Variants in DLC1 observed in about 807,000 individuals in gnomAD.
DLC1 encodes DLC1 Rho GTPase activating protein.
A neutral mutation model predicts 140.3 loss-of-function variants in DLC1; 54 were observed. The ratio of observed to expected loss-of-function variants is 0.38; its 90% CI spans 0.31 to 0.48. DLC1 has a LOEUF of 0.48. Ranked by LOEUF, DLC1 falls within the 20% of genes least tolerant of loss-of-function variation. DLC1 has a pLI of 0.96. For missense variants in DLC1, 2,536 were observed against 1,907.0 expected (o/e 1.33, Z -6.14); for synonymous variants, 986 against 728.1 (o/e 1.35, Z -5.70).
At chr8:13,160,149 C>A (rs1033895051) in intron 5 of DLC1, 10 of 152,332 alleles carry the variant, frequency 6.6e-5, no homozygotes, top group African/African-American at 2.4e-4. Context: ...CAGAGTGAGA[C>A]TCCGTCTTGG....
intron 7 of DLC1, among the ~76,000 whole-genome samples, chr8:13,104,259 G>A (rs1252714524): frequency 6.7e-5 from 10 of 149,838 alleles, no homozygotes; most frequent in Non-Finnish European, 4.4e-5. Context: ...CCATCCTATT[G>A]TCATTTTGAT....
At chr8:13,236,091 C>T (rs1563187254) in intron 5 of DLC1, among the ~76,000 whole-genome samples, 1 of 151,792 alleles carries the variant, frequency 6.6e-6, no homozygotes, top group Admixed American at 6.6e-5. Context: ...GAATATAAAA[C>T]ATTTAAAACT....
intron 5 of DLC1, among the ~76,000 whole-genome samples, chr8:13,188,925 G>A (rs111694085): frequency 6.5e-5 from 9 of 139,090 alleles, no homozygotes; most frequent in South Asian, 4.6e-4. Flanking sequence ...TCCTGACCTC[G>A]TTATCCGCCC....
At chr8:13,382,571 T>C (rs1836324629) in intron 4 of DLC1, among the ~76,000 whole-genome samples, 2 of 131,906 alleles carry the variant, frequency 1.5e-5, no homozygotes, top group South Asian at 4.9e-4. Flanking sequence ...TATTAAAATA[T>C]AAAGGTGCCA....
chr8:13,368,324 C>T (rs1193170510), intron 4 of DLC1, among the ~76,000 whole-genome samples: 7 of 152,062 alleles, frequency 4.6e-5, no homozygotes, highest in Non-Finnish European at 1.0e-4. Flanking sequence ...TCCCTTCCCC[C>T]GCTTTCCATC....
At position 13,085,797 on chromosome 8, in the gene DLC1, C is replaced by T. The variant is rs758173130; in HGVS notation, c.*14G>A. 70 of 1,613,848 alleles carry T rather than the reference C, an allele frequency of 4.3e-5. No homozygotes were observed. Among genetic ancestry groups the T allele is most frequent in the South Asian group, 3.5e-4 (32 of 91,074 alleles). ...AACACCATGGTGGTGGAAGCGGTTG[C>T]GTTGCTTCAGTGATCACCTAGATTT... On this transcript the variant is annotated 3_prime_UTR_variant, in exon 18 of 18. Transcript: ENST00000276297.
chr8:13,595,887 T>C (rs1805665110), intron 1 of DLC1, among the ~76,000 whole-genome samples: 3 of 151,954 alleles, frequency 2.0e-5, no homozygotes, highest in South Asian at 4.2e-4. Flanking sequence ...CCTATGATAA[T>C]TGCACGTTAC....
chr8:13,523,660 T>C (rs913837433), intron 1 of DLC1, among the ~76,000 whole-genome samples: 1 of 151,884 alleles, frequency 6.6e-6, no homozygotes, highest in Non-Finnish European at 1.5e-5. Flanking sequence ...AAAGCAGAGG[T>C]CACTCTTGAT....
At chr8:13,382,943 C>T (rs190236328) in intron 4 of DLC1, among the ~76,000 whole-genome samples, 4 of 152,038 alleles carry the variant, frequency 2.6e-5, no homozygotes, top group Non-Finnish European at 4.4e-5. Context: ...ATGGAGTGAG[C>T]CCTAATAAGA....
Position 13,247,773 on chromosome 8 carries a change from C to G in DLC1, c.1348+57496G>C, listed in dbSNP as rs745694901. Among the ~76,000 whole-genome samples the G allele has an allele frequency of 2.0e-5, 3 of 152,184 alleles. No homozygotes were observed. In the South Asian group the frequency reaches 6.2e-4, roughly 32 times the overall value. On this transcript the variant is annotated intron_variant, in intron 5 of 17. Transcript: ENST00000276297. ...AAATAGAACTGCTTTATCTTCCAGG[C>G]TGATTATCATAGACTTGAGGCTCAC...
At chr8:13,418,557 G>T (rs538386198) in intron 2 of DLC1, among the ~76,000 whole-genome samples, 1 of 151,976 alleles carries the variant, frequency 6.6e-6, no homozygotes, top group African/African-American at 2.4e-5. Flanking sequence ...GGGCTCTGTT[G>T]TGTTCCATTG....
At chr8:13,305,173 T>C in intron 5 of DLC1, 96 bp downstream of exon 5, 1 of 1,519,786 alleles carries the variant, frequency 6.6e-7, no homozygotes, top group Admixed American at 2.0e-5. Flanking sequence ...ATTCATGAGA[T>C]GTATACATTT....
rs1181892363 is a variant in DLC1 at position 13,100,154 on chromosome 8, A to G, written c.2183T>C (p.Met728Thr). ...GTTGGAAACGCTCCTCTTTCGTACC[A>G]TGGGGACGTTGATGCGGTTGCCATT... ...ALNGNRINVP[M>T]VRKRSVSNST... The change falls in exon 9 of 18, where the codon ATG becomes ACG. Residue 728 changes from methionine to threonine, a missense_variant. By Grantham distance (81) the Met-to-Thr change is moderately conservative. Transcript: ENST00000276297. 1 of 1,614,082 alleles carries G rather than the reference A, an allele frequency of 6.2e-7. No individual in the cohort carries two copies. Among genetic ancestry groups the G allele is most frequent in the South Asian group, 1.1e-5 (1 of 91,074 alleles).
chr8:13,327,816 T>C (rs1671382), intron 4 of DLC1, among the ~76,000 whole-genome samples: 116,697 of 152,116 alleles, frequency 0.77, 45,303 homozygotes, highest in Middle Eastern at 0.91. Flanking sequence ...AATAATTAAA[T>C]GAATGGCCAT....
intron 5 of DLC1, among the ~76,000 whole-genome samples, chr8:13,264,813 C>T (rs1040292786): frequency 6.6e-6 from 1 of 152,044 alleles, no homozygotes; most frequent in South Asian, 2.1e-4. Context: ...AAGTGTTAAC[C>T]AAATGATATT....
intron 5 of DLC1, among the ~76,000 whole-genome samples, chr8:13,142,692 T>G (rs1640467973): frequency 6.6e-6 from 1 of 152,172 alleles, no homozygotes; most frequent in African/African-American, 2.4e-5. Context: ...TTTATTTAAC[T>G]AAAATAGGGA....
chr8:13,383,642 G>A (rs998393198), intron 4 of DLC1, among the ~76,000 whole-genome samples: 11 of 152,132 alleles, frequency 7.2e-5, no homozygotes, highest in African/African-American at 2.7e-4. Flanking sequence ...ACATTGAACA[G>A]GGCTAGTCTG....
intron 2 of DLC1, among the ~76,000 whole-genome samples, chr8:13,463,593 C>T (rs1799777911): frequency 6.6e-6 from 1 of 152,148 alleles, no homozygotes; most frequent in Non-Finnish European, 1.5e-5. Context: ...AAAGATTTCT[C>T]ATAAAATAGA....
At chr8:13,438,953 T>C (rs1048337976) in intron 2 of DLC1, among the ~76,000 whole-genome samples, 34 of 152,344 alleles carry the variant, frequency 2.2e-4, no homozygotes, top group African/African-American at 7.5e-4. Flanking sequence ...TAGTTAGCTC[T>C]GCTGTTACGG....
Sources: gnomAD v4.1 joint callset for allele counts (sites outside exome capture counted in the v4.1 genomes callset) on GRCh38, gnomAD v4.1.1 for gene constraint, MANE v1.5 for transcripts, NCBI Gene and HGNC (gene_info 2026-07-23, HGNC 2026-07-21) for gene names.